The following PRKN variants were observed in gnomAD, a reference collection of about 807,000 sequenced individuals.
The protein encoded by PRKN is parkin RBR E3 ubiquitin protein ligase.
Under a neutral mutation model 59.5 loss-of-function variants are expected in PRKN, and 56 were observed. The observed-to-expected ratio is 0.94, with a 90% confidence interval of 0.76 to 1.18. PRKN has a LOEUF of 1.18. PRKN is among the 50% of genes most tolerant of loss of function. PRKN has a pLI of 0.00. For missense variants in PRKN, 657 were observed against 596.4 expected, an observed-to-expected ratio of 1.10 and a Z score of -1.06; for synonymous variants, 250 against 222.1, an observed-to-expected ratio of 1.13 and a Z score of -1.12.
At chr6:162,284,221 T>TC (rs1781069515) in intron 2 of PRKN, among the ~76,000 whole-genome samples, 1 of 116,660 alleles carries the variant, frequency 8.6e-6, no homozygotes, top group African/African-American at 2.9e-5. Flanking sequence ...CTTTCTTTTT[T>TC]TTTTTTTTTT....
chr6:161,697,584 T>C (rs997407731), intron 7 of PRKN, among the ~76,000 whole-genome samples: 3 of 152,172 alleles, frequency 2.0e-5, no homozygotes, highest in Admixed American at 2.0e-4. Context: ...TCTGAACTGA[T>C]AGTATGTAAA....
rs748055251 is a variant in PRKN, at chr6:162,696,559, C to CTTTT, written c.7+31099_7+31102dup. Among the ~76,000 whole-genome samples, 82 of 108,506 alleles carry CTTTT rather than the reference C, an allele frequency of 7.6e-4. 6 individuals are homozygous for CTTTT. The highest frequency in any genetic ancestry group is 8.6e-4 in the African/African-American group (24 of 27,832). The allele number at this position is 108,506 out of a possible 152,430, so 71.2% of individuals were successfully genotyped here. The stretch of plus-strand genomic sequence containing the variant: ...TTCAAATGATTTGTGTCAGGAAAAA[C>CTTTT]TTTTTTTTTTTTTTCTTTTTTTTGA... On this transcript the variant is annotated intron_variant, in intron 1 of 11. Transcript: ENST00000366898.
intron 2 of PRKN, among the ~76,000 whole-genome samples, chr6:162,319,549 C>T (rs1583371272): frequency 6.6e-6 from 1 of 151,896 alleles, no homozygotes; most frequent in Non-Finnish European, 1.5e-5. Context: ...AAAATTTTCC[C>T]CAATAAGGGC....
At chr6:161,675,786 T>A (rs1329291485) in intron 7 of PRKN, among the ~76,000 whole-genome samples, 1 of 152,248 alleles carries the variant, frequency 6.6e-6, no homozygotes, top group African/African-American at 2.4e-5. Context: ...AAAGGACTTT[T>A]AGAAATAAAG....
At chr6:161,991,095 T>C (rs1016681312) in intron 5 of PRKN, among the ~76,000 whole-genome samples, 4 of 152,122 alleles carry the variant, frequency 2.6e-5, no homozygotes, top group Non-Finnish European at 5.9e-5. Flanking sequence ...AATAGGATGA[T>C]ATAGAGTGCT....
At position 162,052,660 on chromosome 6, in the gene PRKN, G is replaced by A. The variant is rs114292213; in HGVS notation, c.618+1431C>T. ...TTCTAGACCCAGGACTTTCTGTGCC[G>A]CACAGGAAGAGTGAATATTGGCCCC... On this transcript the variant is annotated intron_variant, in intron 5 of 11. Coordinates refer to ENST00000366898, the MANE Select transcript of PRKN (RefSeq NM_004562.3). 5.1e-3 allele frequency among the ~76,000 whole-genome samples: 773 copies of A among 152,180 alleles called. 7 individuals carry two copies. Among genetic ancestry groups the A allele is most frequent in the African/African-American group, 0.017 (718 of 41,532 alleles).
At chr6:161,979,709 A>G (rs1428141449) in intron 5 of PRKN, among the ~76,000 whole-genome samples, 2 of 152,120 alleles carry the variant, frequency 1.3e-5, no homozygotes, top group African/African-American at 2.4e-5. Flanking sequence ...CTCTTTCATC[A>G]TAACTCACTT....
At chr6:162,591,409 T>C (rs1038368348) in intron 1 of PRKN, among the ~76,000 whole-genome samples, 1 of 152,288 alleles carries the variant, frequency 6.6e-6, no homozygotes, top group African/African-American at 2.4e-5. Context: ...ATATTTATGG[T>C]GCCCATGTGA....
At position 161,515,088 on chromosome 6, in the gene PRKN, C is replaced by T. The variant is rs186609985; in HGVS notation, c.1083+33766G>A. Among the ~76,000 whole-genome samples the T allele has an allele frequency of 1.8e-3, 270 of 152,292 alleles. 1 individual carries two copies. The highest frequency in any genetic ancestry group is 6.3e-3 in the African/African-American group (260 of 41,554). On this transcript the variant is annotated intron_variant, in intron 9 of 11. Transcript: ENST00000366898. ...GCATGAGGCCAACGTGCAGTGTCTTCCAGGCTGTTTTCTAAATTGTGCCAT... is the reference window on the plus strand; with the variant it reads ...GCATGAGGCCAACGTGCAGTGTCTTTCAGGCTGTTTTCTAAATTGTGCCAT...
At chr6:162,252,107 T>G (rs1440197806) in intron 3 of PRKN, among the ~76,000 whole-genome samples, 4 of 152,122 alleles carry the variant, frequency 2.6e-5, no homozygotes, top group African/African-American at 7.2e-5. Context: ...GAACTAGAAA[T>G]GAAGAAGCAA....
rs1441354759 is a variant in PRKN at position 161,396,113 on chromosome 6, G to C, written c.1084-9236C>G. ...GGAAGCTGGGGTGGGAGTGCTGTAT[G>C]CTCTCGGTCCCTAATCCCCCGCCTC... is the stretch of plus-strand genomic sequence containing the variant. On this transcript the variant is annotated intron_variant, in intron 9 of 11. Coordinates refer to ENST00000366898, the MANE Select transcript of PRKN (RefSeq NM_004562.3). The surrounding 1 kb of genome is among the most constrained non-coding windows in gnomAD (Gnocchi z 5.4). 6.6e-6 allele frequency among the ~76,000 whole-genome samples: 1 copy of C among 152,158 alleles called. No individual in the cohort carries two copies. Among genetic ancestry groups the C allele is most frequent in the Non-Finnish European group, 1.5e-5 (1 of 68,036 alleles).
Position 161,445,428 on chromosome 6 carries a change from G to A in PRKN, c.1084-58551C>T, listed in dbSNP as rs1690848731. ...TTGATCAGAGGAGCTGAGAGCTGAG[G>A]CCCACCCTCCCCTTTCTCCTACACA... On this transcript the variant is annotated intron_variant, in intron 9 of 11. Transcript: ENST00000366898. This position sits in a 1 kb window ranked among gnomAD's most constrained non-coding sequence, Gnocchi z 7.7. 6.6e-6 allele frequency among the ~76,000 whole-genome samples: 1 copy of A among 152,108 alleles called. No homozygotes were observed. The highest frequency in any genetic ancestry group is 6.5e-5 in the Admixed American group (1 of 15,270).
intron 1 of PRKN, among the ~76,000 whole-genome samples, chr6:162,485,234 T>A (rs1000985365): frequency 6.6e-6 from 1 of 152,174 alleles, no homozygotes; most frequent in Admixed American, 6.5e-5. Context: ...TCAAAGCTCA[T>A]GATCAACTAA....
At chr6:162,571,401 C>T (rs1780322353) in intron 1 of PRKN, 1 of 150,212 alleles carries the variant, frequency 6.7e-6, no homozygotes, top group Non-Finnish European at 1.5e-5. Flanking sequence ...ACTATGTACC[C>T]ACAAAAATAA....
chr6:161,670,688 T>C (rs1470907481), intron 7 of PRKN, among the ~76,000 whole-genome samples: 5 of 152,154 alleles, frequency 3.3e-5, no homozygotes, highest in Non-Finnish European at 7.4e-5. Flanking sequence ...TGGTGGCGGG[T>C]GCCTGTTGTC....
intron 3 of PRKN, 157 bp downstream of exon 3, chr6:162,262,368 G>A: frequency 2.4e-6 from 2 of 848,336 alleles, no homozygotes; most frequent in Non-Finnish European, 4.0e-6. Flanking sequence ...TTACATCAAA[G>A]TACTCCACCT....
chr6:161,888,593 A>AT (rs1399385190), intron 6 of PRKN, among the ~76,000 whole-genome samples: 2 of 151,882 alleles, frequency 1.3e-5, no homozygotes, highest in Admixed American at 6.6e-5. Context: ...CTATATTTAC[A>AT]TTTTTTCCGG....
chr6:161,896,688 G>A (rs189509593), intron 6 of PRKN, among the ~76,000 whole-genome samples: 3 of 152,264 alleles, frequency 2.0e-5, no homozygotes, highest in East Asian at 1.9e-4. Flanking sequence ...ACCAAGCTTC[G>A]TAAGTGTTTA....
At chr6:162,151,356 T>C (rs1010068648) in intron 4 of PRKN, among the ~76,000 whole-genome samples, 1 of 152,224 alleles carries the variant, frequency 6.6e-6, no homozygotes, top group Admixed American at 6.5e-5. Flanking sequence ...TGAAATTTCA[T>C]GCTCAGTCAA....
Sources: gnomAD v4.1 joint callset for allele counts (sites outside exome capture counted in the v4.1 genomes callset) on GRCh38, gnomAD v4.1.1 for gene constraint, Gnocchi (gnomAD v3.1) non-coding constraint, MANE v1.5 for transcripts, NCBI Gene and HGNC (gene_info 2026-07-23, HGNC 2026-07-21) for gene names.